CCDC178: variants seen among roughly 807,000 people sequenced by gnomAD.
CCDC178 encodes the protein coiled-coil domain containing 178, also known as coiled-coil domain-containing protein 178.
In CCDC178, 126 loss-of-function variants were observed where a neutral mutation model predicts 117.4. The ratio of observed to expected loss-of-function variants is 1.07; its 90% CI spans 0.93 to 1.24. The LOEUF is 1.24. Ranked by LOEUF, CCDC178 falls within the 50% of genes most tolerant of loss-of-function variation. The pLI is 0.00. For synonymous variants in CCDC178, 283 were observed against 313.4 expected, an observed-to-expected ratio of 0.90 and a Z score of 1.02; for missense variants, 1,030 against 986.9, an observed-to-expected ratio of 1.04 and a Z score of -0.59.
chr18:33,099,729 C>T (rs2057596375), intron 20 of CCDC178, among the ~76,000 whole-genome samples: 1 of 151,862 alleles, frequency 6.6e-6, no homozygotes, highest in Non-Finnish European at 1.5e-5. Flanking sequence ...AAGAGTTCTC[C>T]CTAGTGTTTC....
At chr18:33,111,226 ATT>A (rs1290795027) in intron 20 of CCDC178, among the ~76,000 whole-genome samples, 1 of 151,392 alleles carries the variant, frequency 6.6e-6, no homozygotes, top group Non-Finnish European at 1.5e-5. Flanking sequence ...GATACAATTG[ATT>A]TTTGTTTGTT....
Position 32,978,339 on chromosome 18 carries a change from A to T in CCDC178, c.2389-3658T>A, listed in dbSNP as rs563874696. On this transcript the variant is annotated intron_variant, in intron 21 of 22. Coordinates refer to ENST00000383096, the MANE Select transcript of CCDC178 (RefSeq NM_001105528.4). ...CAGTATCCAATAAAATAACATATGC[A>T]CACAAACACATTTGCACACGAAAGA... Among the ~76,000 whole-genome samples, 8 of 151,842 alleles carry T rather than the reference A, an allele frequency of 5.3e-5. No individual in the cohort carries two copies. In the South Asian group the frequency reaches 1.7e-3, roughly 32 times the overall value.
At chr18:33,191,261 T>G (rs2144517554) in intron 20 of CCDC178, among the ~76,000 whole-genome samples, 1 of 152,238 alleles carries the variant, frequency 6.6e-6, no homozygotes, top group South Asian at 2.1e-4. Flanking sequence ...ATAAGGTCTC[T>G]CCAATACATA....
At chr18:32,979,457 T>C (rs1325341994) in intron 21 of CCDC178, among the ~76,000 whole-genome samples, 1 of 152,134 alleles carries the variant, frequency 6.6e-6, no homozygotes, top group Non-Finnish European at 1.5e-5. Context: ...CTGCGCCCGG[T>C]CCATTTTTAT....
At chr18:32,984,710 A>G (rs1053084032) in intron 21 of CCDC178, among the ~76,000 whole-genome samples, 2 of 152,002 alleles carry the variant, frequency 1.3e-5, no homozygotes, top group Non-Finnish European at 2.9e-5. Context: ...ATTATAAAAT[A>G]AAATTACCCT....
chr18:33,409,475 G>T (rs768122349), intron 3 of CCDC178, among the ~76,000 whole-genome samples: 1 of 152,028 alleles, frequency 6.6e-6, no homozygotes, highest in Non-Finnish European at 1.5e-5. Flanking sequence ...ATTTTATTTC[G>T]GATAATTTTA....
chr18:32,979,748 C>T (rs942201143), intron 21 of CCDC178, among the ~76,000 whole-genome samples: 2 of 152,010 alleles, frequency 1.3e-5, no homozygotes, highest in African/African-American at 4.8e-5. Context: ...GAATAAAGGA[C>T]TGAGAATATG....
At chr18:33,120,032 T>G (rs1456291048) in intron 20 of CCDC178, among the ~76,000 whole-genome samples, 3 of 151,314 alleles carry the variant, frequency 2.0e-5, no homozygotes, top group Non-Finnish European at 4.4e-5. Context: ...CCGGGGCCTG[T>G]CGTGGGGTGG....
chr18:33,094,545 T>C (rs1329461329), intron 20 of CCDC178, among the ~76,000 whole-genome samples: 1 of 151,920 alleles, frequency 6.6e-6, no homozygotes, highest in Non-Finnish European at 1.5e-5. Context: ...TCTCAGGTGC[T>C]TTTCTTTCCA....
chr18:33,300,984 T>G (rs917205005), intron 11 of CCDC178, among the ~76,000 whole-genome samples: 4 of 152,152 alleles, frequency 2.6e-5, no homozygotes, highest in African/African-American at 4.8e-5. Context: ...GGAAAAAGAC[T>G]TTCAAGGCAT....
chr18:33,404,414 T>C (rs928766363), intron 3 of CCDC178, among the ~76,000 whole-genome samples: 4 of 151,362 alleles, frequency 2.6e-5, no homozygotes, highest in African/African-American at 7.3e-5. Flanking sequence ...TCACAGCCAC[T>C]AGGAGGCTAT....
intron 12 of CCDC178, among the ~76,000 whole-genome samples, chr18:33,281,191 C>CAAA (rs2060021980): frequency 1.3e-5 from 2 of 151,600 alleles, no homozygotes; most frequent in African/African-American, 2.4e-5. Context: ...CAGCATCAAA[C>CAAA]GTATACAAAA....
intron 20 of CCDC178, among the ~76,000 whole-genome samples, chr18:33,191,988 T>G (rs2058864194): frequency 6.6e-6 from 1 of 152,194 alleles, no homozygotes; most frequent in African/African-American, 2.4e-5. Context: ...TTCTGTTATA[T>G]GATAGAAACT....
chr18:33,086,615 T>C (rs1369598891), intron 21 of CCDC178, among the ~76,000 whole-genome samples: 4 of 152,058 alleles, frequency 2.6e-5, no homozygotes, highest in Non-Finnish European at 5.9e-5. Context: ...TAATATTGAA[T>C]TTCTCAGAAT....
intron 15 of CCDC178, among the ~76,000 whole-genome samples, chr18:33,241,761 AAAAATTAATATTGTT>A (rs1367814082): frequency 5.3e-5 from 8 of 151,984 alleles, no homozygotes; most frequent in Admixed American, 4.6e-4. Context: ...CATGGATTGG[AAAAATTAATATTGTT>A]AAAATTAATA....
At chr18:33,384,894 G>T (rs12458511) in intron 5 of CCDC178, among the ~76,000 whole-genome samples, 135,863 of 152,042 alleles carry the variant, frequency 0.89, 62,700 homozygotes, top group East Asian at 1. Context: ...TAGCCTAAAC[G>T]CCCCAATTAA....
Position 33,269,782 on chromosome 18 carries a change from T to A in CCDC178, c.1177-2485A>T, listed in dbSNP as rs1943211918. On this transcript the variant is annotated intron_variant, in intron 12 of 22. Coordinates refer to ENST00000383096, the MANE Select transcript of CCDC178 (RefSeq NM_001105528.4). ...CAAATCCTGAGGATAAGTGAAAATA[T>A]GATATCCAGTATAAATACATTGTAT... is the stretch of plus-strand genomic sequence containing the variant. Among the ~76,000 whole-genome samples the A allele has an allele frequency of 2.0e-5, 3 of 151,806 alleles. No homozygotes were observed. The South Asian group carries it at 6.2e-4, about 31-fold the overall frequency.
rs2063454019 is a variant in CCDC178 at position 33,382,924 on chromosome 18, T to G, written c.208+6616A>C. Among the ~76,000 whole-genome samples, 12 of 152,120 alleles carry G rather than the reference T, an allele frequency of 7.9e-5. No homozygotes were observed. The South Asian group carries it at 2.5e-3, about 31-fold the overall frequency. On this transcript the variant is annotated intron_variant, in intron 5 of 22. Coordinates refer to ENST00000383096, the MANE Select transcript of CCDC178 (RefSeq NM_001105528.4). ...CCCAGCAAGCTGAGAACCACTGGCCTGAAATTCCCACTGCCAGCACAACAG... is the reference window on the plus strand; with the variant it reads ...CCCAGCAAGCTGAGAACCACTGGCCGGAAATTCCCACTGCCAGCACAACAG...
chr18:33,052,535 T>C (rs970796676), intron 21 of CCDC178, among the ~76,000 whole-genome samples: 1 of 152,200 alleles, frequency 6.6e-6, no homozygotes, highest in Non-Finnish European at 1.5e-5. Flanking sequence ...GAGCCGCATT[T>C]AGAGTCCATC....
Sources: allele counts gnomAD v4.1 joint callset (sites outside exome capture counted in the v4.1 genomes callset), GRCh38; gene constraint gnomAD v4.1.1; transcripts MANE v1.5; gene names NCBI Gene and HGNC (gene_info 2026-07-23, HGNC 2026-07-21).